Variants in PRIM2 observed in about 807,000 individuals in gnomAD.
The protein encoded by PRIM2 is DNA primase large subunit.
In PRIM2, 39 loss-of-function variants were observed where a neutral mutation model predicts 67.3. The ratio of observed to expected loss-of-function variants is 0.58; its 90% confidence interval spans 0.45 to 0.76. The LOEUF is 0.76. Ranked by LOEUF, PRIM2 falls within the 30% of genes least tolerant of loss-of-function variation. The probability of loss-of-function intolerance (pLI) is 0.00; values close to 1 mark genes in which losing one functional copy is unlikely to be tolerated. For synonymous variants in PRIM2, 143 were observed against 198.7 expected (o/e 0.72, Z 2.36); for missense variants, 398 against 598.7 (o/e 0.66, Z 3.50).
chr6:57,426,982 G>A (rs1157196117), intron 7 of PRIM2, among the ~76,000 whole-genome samples: 9 of 152,148 alleles, frequency 5.9e-5, no homozygotes, highest in African/African-American at 1.9e-4. Context: ...GTGATCTAGA[G>A]TAAGCTAGTA....
chr6:57,260,940 G>C, the PRIM2 span, among the ~76,000 whole-genome samples: 1 of 152,192 alleles, frequency 6.6e-6, no homozygotes, highest in Admixed American at 6.5e-5. Flanking sequence ...GGCAAGCCAG[G>C]CTAAAAAGTG....
intron 5 of PRIM2, among the ~76,000 whole-genome samples, chr6:57,364,753 G>A (rs2090412126): frequency 6.6e-6 from 1 of 152,084 alleles, no homozygotes; most frequent in African/African-American, 2.4e-5. Context: ...TCTGAAGTAT[G>A]AGGAGATGGC....
chr6:57,274,319 C>A, the PRIM2 span, among the ~76,000 whole-genome samples: 1 of 152,090 alleles, frequency 6.6e-6, no homozygotes, highest in South Asian at 2.1e-4. Flanking sequence ...AATCAAGTCT[C>A]GGCAATGGCG....
At chr6:57,441,066 T>A (rs1414457307) in intron 7 of PRIM2, among the ~76,000 whole-genome samples, 6 of 152,212 alleles carry the variant, frequency 3.9e-5, no homozygotes, top group Non-Finnish European at 8.8e-5. Context: ...AAATGCATTG[T>A]TTGTCATTTA....
intron 7 of PRIM2, among the ~76,000 whole-genome samples, chr6:57,433,083 C>T (rs188045522): frequency 3.3e-5 from 5 of 152,180 alleles, no homozygotes; most frequent in Admixed American, 1.3e-4. Context: ...CATGCCTATT[C>T]GTTATGTATT....
chr6:57,323,851 G>T (rs1767744237), intron 3 of PRIM2, among the ~76,000 whole-genome samples: 1 of 152,114 alleles, frequency 6.6e-6, no homozygotes, highest in South Asian at 2.1e-4. Context: ...AGTGCTTTGA[G>T]GGACTAGAGT....
intron 5 of PRIM2, among the ~76,000 whole-genome samples, chr6:57,355,223 G>C (rs1768990945): frequency 6.7e-6 from 1 of 149,894 alleles, no homozygotes; most frequent in Admixed American, 6.7e-5. Flanking sequence ...AGAATCACTT[G>C]AACTCGAGAG....
chr6:57,222,655 G>C, the PRIM2 span, among the ~76,000 whole-genome samples: 5 of 152,218 alleles, frequency 3.3e-5, no homozygotes, highest in African/African-American at 9.7e-5. Context: ...CACTCACACA[G>C]CCTGCAGGAC....
intron 12 of PRIM2, among the ~76,000 whole-genome samples, chr6:57,607,564 A>G (rs1397986209): frequency 6.6e-6 from 1 of 152,182 alleles, no homozygotes; most frequent in Non-Finnish European, 1.5e-5. Context: ...TAGGAGTATT[A>G]AGATTTCAAG....
chr6:57,415,407 T>A (rs113591754), intron 7 of PRIM2, among the ~76,000 whole-genome samples: 13,347 of 152,230 alleles, frequency 0.088, 598 homozygotes, highest in South Asian at 0.11. Flanking sequence ...TATACTGTAG[T>A]CTATTAAGAA....
At chr6:57,589,349 G>A (rs1776246144) in intron 10 of PRIM2, among the ~76,000 whole-genome samples, 1 of 152,064 alleles carries the variant, frequency 6.6e-6, no homozygotes, top group Non-Finnish European at 1.5e-5. Context: ...GCTGATCCTG[G>A]GCTTCATCTG....
the PRIM2 span, among the ~76,000 whole-genome samples, chr6:57,288,514 G>A: frequency 6.6e-6 from 1 of 152,214 alleles, no homozygotes; most frequent in Non-Finnish European, 1.5e-5. Flanking sequence ...TGACCCCCGT[G>A]TAGCCTGACT....
the PRIM2 span, among the ~76,000 whole-genome samples, chr6:57,237,387 T>C: frequency 6.6e-6 from 1 of 152,224 alleles, no homozygotes; most frequent in Non-Finnish European, 1.5e-5. Flanking sequence ...CTGATGGTAG[T>C]TTCTTTTGCT....
At chr6:57,611,712 C>T (rs1266254095) in intron 12 of PRIM2, among the ~76,000 whole-genome samples, 1 of 151,990 alleles carries the variant, frequency 6.6e-6, no homozygotes, top group Non-Finnish European at 1.5e-5. Context: ...TCTGCAGGAC[C>T]TTGGGTTTGG....
chr6:57,564,071 A>G (rs1166036556), intron 10 of PRIM2, among the ~76,000 whole-genome samples: 1 of 152,224 alleles, frequency 6.6e-6, no homozygotes, highest in Non-Finnish European at 1.5e-5. Context: ...GGACATAATT[A>G]TGTAGATTTA....
chr6:57,615,848 C>T (rs1776747110), intron 12 of PRIM2, among the ~76,000 whole-genome samples: 1 of 152,152 alleles, frequency 6.6e-6, no homozygotes, highest in African/African-American at 2.4e-5. Flanking sequence ...TATAATTGTG[C>T]CACTGTACTC....
chr6:57,490,458 C>CA (rs1773863168), intron 7 of PRIM2, among the ~76,000 whole-genome samples: 1 of 152,032 alleles, frequency 6.6e-6, no homozygotes, highest in African/African-American at 2.4e-5. Context: ...AGAATACAGC[C>CA]ACTATTGAAA....
At chr6:57,411,081 A>C (rs1308271895) in intron 7 of PRIM2, among the ~76,000 whole-genome samples, 28 of 151,782 alleles carry the variant, frequency 1.8e-4, no homozygotes, top group Non-Finnish European at 3.4e-4. Flanking sequence ...CTTCATGGTA[A>C]TGAGTTCTCC....
intron 7 of PRIM2, among the ~76,000 whole-genome samples, chr6:57,453,317 G>A (rs1278593805): frequency 6.6e-6 from 1 of 152,134 alleles, no homozygotes; most frequent in East Asian, 1.9e-4. Flanking sequence ...TTCCAATTCT[G>A]TGAAGAAAGT....
Sources: gnomAD v4.1 joint callset for allele counts (sites outside exome capture counted in the v4.1 genomes callset) on GRCh38, gnomAD v4.1.1 for gene constraint, MANE v1.5 for transcripts, NCBI Gene and HGNC (gene_info 2026-07-23, HGNC 2026-07-21) for gene names.